Variants in ATRX observed in about 807,000 individuals in gnomAD.
The protein encoded by ATRX is ATRX chromatin remodeler.
ATRX carries 12 observed loss-of-function variants against 172.6 expected under a neutral mutation model. The ratio of observed to expected loss-of-function variants is 0.07; its 90% CI spans 0.04 to 0.11. ATRX has a LOEUF of 0.11. ATRX is among the 10% of genes least tolerant of loss of function. The pLI is 1.00. For missense variants in ATRX, 1,368 were observed against 1,767.4 expected (o/e 0.77, Z 4.05); for synonymous variants, 674 against 594.7 (o/e 1.13, Z -1.94).
intron 19 of ATRX, among the ~76,000 whole-genome samples, chrX:77,631,663 C>T (rs2068112012): frequency 1.8e-5 from 2 of 112,032 alleles, no homozygotes; most frequent in Non-Finnish European, 3.8e-5. Context: ...GATCAGAGAA[C>T]ACTCTACAGG....
intron 34 of ATRX, among the ~76,000 whole-genome samples, chrX:77,510,519 G>A (rs1355055367): frequency 1.4e-4 from 16 of 110,422 alleles, no homozygotes; most frequent in Non-Finnish European, 3.0e-4. Flanking sequence ...CTTGGCTTTT[G>A]GATGGCATTT....
intron 2 of ATRX, 30 bp from the exon 3 acceptor site, chrX:77,698,659 T>A (rs2072326613): frequency 8.9e-7 from 1 of 1,122,426 alleles, no homozygotes; most frequent in Non-Finnish European, 1.2e-6. Context: ...GAACATTATT[T>A]ATCTCTTCGA....
chrX:77,716,315 A>ATATAT (rs1326160021), intron 2 of ATRX, among the ~76,000 whole-genome samples: 2 of 57,810 alleles, frequency 3.5e-5, no homozygotes, highest in Non-Finnish European at 7.0e-5. Context: ...AAAAAAAAAA[A>ATATAT]AAAAAAAAAT....
At chrX:77,711,438 ACTGT>A (rs1340998446) in intron 2 of ATRX, among the ~76,000 whole-genome samples, 8 of 112,675 alleles carry the variant, frequency 7.1e-5, no homozygotes, top group African/African-American at 9.7e-5. Context: ...AGGTGATATA[ACTGT>A]CTAAGTAGAA....
intron 30 of ATRX, among the ~76,000 whole-genome samples, chrX:77,543,182 T>C (rs1569520286): frequency 8.9e-6 from 1 of 112,356 alleles, no homozygotes; most frequent in African/African-American, 3.2e-5. Context: ...AGAAGACATA[T>C]ATGCAGCCAA....
chrX:77,591,536 C>T (rs2066254139), intron 26 of ATRX, among the ~76,000 whole-genome samples: 1 of 111,918 alleles, frequency 8.9e-6, no homozygotes, highest in Non-Finnish European at 1.9e-5. Context: ...GAACTGAAAA[C>T]AATTGAAGCT....
At chrX:77,656,750 G>T in intron 12 of ATRX, 97 bp from the exon 13 acceptor site, 1 of 678,035 alleles carries the variant, frequency 1.5e-6, no homozygotes, top group Admixed American at 2.9e-5. Context: ...ACAGAGCATT[G>T]TAAGAACATC....
At chrX:77,784,470 T>C (rs782069742) in intron 1 of ATRX, among the ~76,000 whole-genome samples, 5 of 112,371 alleles carry the variant, frequency 4.4e-5, no homozygotes, top group African/African-American at 1.3e-4. Flanking sequence ...GTTTCAAATG[T>C]AGACTTTGTG....
At chrX:77,739,642 T>C (rs1557181030) in intron 1 of ATRX, among the ~76,000 whole-genome samples, 1 of 110,580 alleles carries the variant, frequency 9.0e-6, no homozygotes, top group African/African-American at 3.3e-5. Context: ...AACCTGATCC[T>C]CACAAAGACT....
chrX:77,735,748 G>A (rs1466621696), intron 1 of ATRX, among the ~76,000 whole-genome samples: 34 of 96,692 alleles, frequency 3.5e-4, no homozygotes, highest in Non-Finnish European at 6.2e-4. Flanking sequence ...CTTGCAGTGA[G>A]CCGAGATCGT....
At chrX:77,508,689 G>A (rs2062767014) in intron 34 of ATRX, 60 bp from the exon 35 acceptor site, 2 of 1,161,867 alleles carry the variant, frequency 1.7e-6, no homozygotes, top group Non-Finnish European at 2.3e-6. Context: ...GAGGTATCAA[G>A]TTTTGACTTA....
intron 15 of ATRX, among the ~76,000 whole-genome samples, chrX:77,643,020 T>C (rs2068730151): frequency 8.9e-6 from 1 of 111,759 alleles, no homozygotes; most frequent in African/African-American, 3.3e-5. Context: ...TTTTACAGCA[T>C]TTTTACTTGT....
chrX:77,558,916 C>G lies in ATRX; in HGVS notation c.6327-70G>C. 4 of 863,474 alleles carry G rather than the reference C, an allele frequency of 4.6e-6. No homozygotes were observed. The South Asian group carries it at 9.4e-5, about 20-fold the overall frequency. 71.2% of individuals were successfully genotyped at this position (863,474 alleles called of 1,213,427 possible). Reference sequence around the variant, plus strand: ...TACAAATATTTTAATTACAATATGACTTTTTGATACTTAGTTTTTTTTTAA... The same window carrying G: ...TACAAATATTTTAATTACAATATGAGTTTTTGATACTTAGTTTTTTTTTAA... On this transcript the variant is annotated intron_variant, in intron 28 of 34. Coordinates refer to ENST00000373344, the MANE Select transcript of ATRX (RefSeq NM_000489.6).
intron 15 of ATRX, among the ~76,000 whole-genome samples, chrX:77,638,661 T>C (rs1359326505): frequency 1.8e-5 from 2 of 112,733 alleles, no homozygotes; most frequent in Non-Finnish European, 3.7e-5. Flanking sequence ...CATACGATCA[T>C]TGTCACATCC....
At chrX:77,636,970 AAAGAAGAAGG>A (rs1295304320) in intron 15 of ATRX, among the ~76,000 whole-genome samples, 1 of 99,139 alleles carries the variant, frequency 1.0e-5, no homozygotes, top group African/African-American at 4.0e-5. Flanking sequence ...GAGGAAGAAA[AAAGAAGAAGG>A]AAGAAGAAGG....
chrX:77,748,323 GC>G (rs1869072180), intron 1 of ATRX, among the ~76,000 whole-genome samples: 1 of 111,365 alleles, frequency 9.0e-6, no homozygotes, highest in South Asian at 3.8e-4. Flanking sequence ...GTGGTTAACT[GC>G]TACTGAACAC....
chrX:77,739,733 C>T (rs782487822), intron 1 of ATRX, among the ~76,000 whole-genome samples: 3 of 110,036 alleles, frequency 2.7e-5, no homozygotes, highest in Non-Finnish European at 5.7e-5. Context: ...TGACAGTTTA[C>T]GTGAGGTTAT....
At chrX:77,723,984 A>G (rs1453027605) in intron 1 of ATRX, among the ~76,000 whole-genome samples, 2 of 111,575 alleles carry the variant, frequency 1.8e-5, no homozygotes, top group Admixed American at 1.9e-4. Context: ...TAAAATCAAG[A>G]GAGTATGATC....
chrX:77,757,897 C>T (rs1167760141), intron 1 of ATRX, among the ~76,000 whole-genome samples: 1 of 108,540 alleles, frequency 9.2e-6, no homozygotes, highest in Admixed American at 9.9e-5. Flanking sequence ...GTCTTGAACT[C>T]CTGACCTCGT....
Sources: allele counts gnomAD v4.1 joint callset (sites outside exome capture counted in the v4.1 genomes callset), GRCh38; gene constraint gnomAD v4.1.1; transcripts MANE v1.5; gene names NCBI Gene and HGNC (gene_info 2026-07-23, HGNC 2026-07-21).